The following TNKS variants were observed in gnomAD, a reference collection of about 807,000 sequenced individuals.
The protein encoded by TNKS is tankyrase, also known as poly [ADP-ribose] polymerase tankyrase-1.
A neutral mutation model predicts 135.8 loss-of-function variants in TNKS; 72 were observed. The ratio of observed to expected loss-of-function variants is 0.53; its 90% CI spans 0.44 to 0.64. The LOEUF is 0.64. Among genes scored for constraint, TNKS ranks in the 30% least tolerant of loss-of-function variants. The pLI is 0.00. For synonymous variants in TNKS, 849 were observed against 649.3 expected, an observed-to-expected ratio of 1.31 and a Z score of -4.68; for missense variants, 1,769 against 1,674.0, an observed-to-expected ratio of 1.06 and a Z score of -0.99.
At chr8:9,691,002 A>C (rs74929707) in intron 5 of TNKS, among the ~76,000 whole-genome samples, 3,777 of 152,232 alleles carry the variant, frequency 0.025, 63 homozygotes, top group Middle Eastern at 0.041. Flanking sequence ...TCTGCTTAAG[A>C]GAGAGAGAGC....
chr8:9,662,224 A>G (rs542819993), intron 3 of TNKS, among the ~76,000 whole-genome samples: 1 of 152,346 alleles, frequency 6.6e-6, no homozygotes, highest in East Asian at 1.9e-4. Context: ...ATACCATTTG[A>G]CGCAGCCATC....
intron 1 of TNKS, among the ~76,000 whole-genome samples, chr8:9,562,040 C>G (rs1477406130): frequency 6.6e-6 from 1 of 152,142 alleles, no homozygotes; most frequent in Non-Finnish European, 1.5e-5. Context: ...TGGTCACGAA[C>G]TCCTGACCTC....
chr8:9,708,363 A>G lies in TNKS; in HGVS notation c.1457-8A>G. ...CTTTTTTTATGTCAACCATTGTTTC[A>G]TTGACAGATGAATTTAAAGGTCATT... On this transcript the variant is annotated splice_polypyrimidine_tract_variant and splice_region_variant and intron_variant, in intron 8 of 26. Coordinates refer to ENST00000310430, the MANE Select transcript of TNKS (RefSeq NM_003747.3). The G allele has an allele frequency of 3.2e-6, 5 of 1,575,212 alleles. No homozygotes were observed. The highest frequency in any genetic ancestry group is 1.7e-6 in the Non-Finnish European group (2 of 1,161,002).
intron 19 of TNKS, 117 bp from the exon 20 acceptor site, chr8:9,752,427 T>G (rs1806593227): frequency 1.5e-6 from 1 of 683,692 alleles, no homozygotes; most frequent in Non-Finnish European, 2.5e-6. Flanking sequence ...TATTATTTTA[T>G]GCCATGGAAA....
intron 2 of TNKS, among the ~76,000 whole-genome samples, chr8:9,609,144 T>G (rs1479021312): frequency 2.0e-5 from 3 of 152,204 alleles, no homozygotes; most frequent in Non-Finnish European, 4.4e-5. Context: ...AGCATGGTTC[T>G]TTTTGTAATA....
chr8:9,762,062 A>C (rs1419893619), intron 21 of TNKS, among the ~76,000 whole-genome samples: 1 of 152,248 alleles, frequency 6.6e-6, no homozygotes, highest in Non-Finnish European at 1.5e-5. Flanking sequence ...AACCCCTGTA[A>C]TAGAATCCTG....
At chr8:9,730,246 A>G (rs1285437191) in intron 13 of TNKS, among the ~76,000 whole-genome samples, 3 of 152,184 alleles carry the variant, frequency 2.0e-5, no homozygotes, top group Non-Finnish European at 4.4e-5. Flanking sequence ...ATAAGGAGAC[A>G]TAGAAGAGAT....
At chr8:9,563,495 T>G (rs1449585050) in intron 1 of TNKS, among the ~76,000 whole-genome samples, 2 of 152,174 alleles carry the variant, frequency 1.3e-5, no homozygotes, top group Non-Finnish European at 2.9e-5. Flanking sequence ...TGTGTTCCAG[T>G]AAAATTTTAT....
At chr8:9,704,013 CTT>C (rs1254951716) in intron 5 of TNKS, among the ~76,000 whole-genome samples, 2 of 152,194 alleles carry the variant, frequency 1.3e-5, no homozygotes, top group African/African-American at 4.8e-5. Context: ...GTATTCCTCT[CTT>C]GTCTTTACAC....
intron 3 of TNKS, among the ~76,000 whole-genome samples, chr8:9,649,074 A>T (rs899107864): frequency 5.3e-5 from 8 of 152,228 alleles, no homozygotes; most frequent in Non-Finnish European, 1.2e-4. Context: ...TATGCTACTA[A>T]TTCAGTGAAG....
At chr8:9,621,286 C>T (rs76046483) in intron 3 of TNKS, among the ~76,000 whole-genome samples, 4,933 of 148,894 alleles carry the variant, frequency 0.033, 214 homozygotes, top group African/African-American at 0.1. Context: ...ATCCAGATGT[C>T]AAACCGAGGC....
intron 3 of TNKS, among the ~76,000 whole-genome samples, chr8:9,678,303 A>G (rs371144035): frequency 7.9e-5 from 12 of 152,186 alleles, no homozygotes; most frequent in Admixed American, 1.3e-4. Flanking sequence ...TTGACTCTCT[A>G]ACTTCCATAT....
intron 2 of TNKS, among the ~76,000 whole-genome samples, chr8:9,580,841 G>A (rs180736653): frequency 3.3e-5 from 5 of 152,078 alleles, no homozygotes; most frequent in East Asian, 1.9e-4. Flanking sequence ...GAACTTAATC[G>A]TTTCAATATG....
At chr8:9,710,602 A>G (rs1260425803) in intron 11 of TNKS, among the ~76,000 whole-genome samples, 1 of 152,172 alleles carries the variant, frequency 6.6e-6, no homozygotes, top group African/African-American at 2.4e-5. Flanking sequence ...TACTTATTCT[A>G]AAAAACATTT....
chr8:9,742,319 CTT>C (rs1419991365), intron 17 of TNKS, among the ~76,000 whole-genome samples: 2 of 133,538 alleles, frequency 1.5e-5, no homozygotes, highest in Non-Finnish European at 3.3e-5. Flanking sequence ...TTTTAATTAC[CTT>C]TTTTTTTTTT....
At chr8:9,765,581 T>C in intron 23 of TNKS, 111 bp from the exon 24 acceptor site, 1 of 807,528 alleles carries the variant, frequency 1.2e-6, no homozygotes, top group Non-Finnish European at 2.0e-6. Flanking sequence ...TTTTAAATTA[T>C]GTCTTAAGCA....
At chr8:9,644,058 C>T (rs987264518) in intron 3 of TNKS, among the ~76,000 whole-genome samples, 32 of 152,110 alleles carry the variant, frequency 2.1e-4, no homozygotes, top group African/African-American at 7.7e-4. Flanking sequence ...TATGGAGTTA[C>T]TTAGAATAGC....
At chr8:9,649,831 A>G (rs1396384283) in intron 3 of TNKS, among the ~76,000 whole-genome samples, 2 of 144,310 alleles carry the variant, frequency 1.4e-5, no homozygotes, top group Non-Finnish European at 3.0e-5. Flanking sequence ...GAGTACTAGT[A>G]TTCCATGGTG....
At chr8:9,642,568 G>A (rs1471166892) in intron 3 of TNKS, among the ~76,000 whole-genome samples, 1 of 146,192 alleles carries the variant, frequency 6.8e-6, no homozygotes, top group Non-Finnish European at 1.5e-5. Context: ...TACATAATTT[G>A]TTAGACTTTT....
Sources: allele counts gnomAD v4.1 joint callset (sites outside exome capture counted in the v4.1 genomes callset), GRCh38; gene constraint gnomAD v4.1.1; transcripts MANE v1.5; gene names NCBI Gene and HGNC (gene_info 2026-07-23, HGNC 2026-07-21).